HEATR3: variants seen among roughly 807,000 people sequenced by gnomAD.
HEATR3 encodes HEAT repeat containing 3, also known as HEAT repeat-containing protein 3.
In HEATR3, 56 loss-of-function variants were observed where a neutral mutation model predicts 72.8. That is an observed-to-expected ratio of 0.77 (90% CI 0.62 to 0.96). The LOEUF is 0.96. HEATR3 is among the 40% of genes least tolerant of loss of function. The probability of loss-of-function intolerance (pLI) is 0.00; values close to 1 mark genes in which losing one functional copy is unlikely to be tolerated. For synonymous variants in HEATR3, 331 were observed against 318.1 expected, an observed-to-expected ratio of 1.04 and a Z score of -0.43; for missense variants, 747 against 831.4, an observed-to-expected ratio of 0.90 and a Z score of 1.25.
At chr16:50,082,366 T>C (rs2036886354) in intron 7 of HEATR3, among the ~76,000 whole-genome samples, 1 of 151,982 alleles carries the variant, frequency 6.6e-6, no homozygotes, top group Admixed American at 6.6e-5. Context: ...TAAAAAAGAA[T>C]AAGCCAGATT....
Position 50,094,716 on chromosome 16 carries a change from CAT to C in HEATR3, c.1523_1524del (p.His508ArgfsTer2). The C allele has an allele frequency of 6.4e-7, 1 of 1,562,830 alleles. No individual in the cohort carries two copies. Among genetic ancestry groups the C allele is most frequent in the Non-Finnish European group, 8.6e-7 (1 of 1,157,274 alleles). ...LLFSQPDFAK[H>X]VDFLEAISSA... ...TTTTTGTGTTTTAGATTTTGCTAAA[CAT>C]GTTGACTTTCTAGAAGCCATAAGTA... On this transcript the variant is annotated frameshift_variant, in exon 12 of 15. Transcript: ENST00000299192. LOFTEE classifies it high-confidence loss of function.
In HEATR3 at chr16:50,100,545, A is replaced by G. The variant is rs897980079; in HGVS notation, c.1743+172A>G. On this transcript the variant is annotated intron_variant, in intron 13 of 14. Coordinates refer to ENST00000299192, the MANE Select transcript of HEATR3 (RefSeq NM_182922.4). The stretch of plus-strand genomic sequence containing the variant: ...CCTTTGGCTTGATCTAACTATGTGT[A>G]TTAATTAGGTAAGTATTTGAAAAGT... The G allele has an allele frequency of 5.3e-6, 3 of 570,250 alleles. No individual in the cohort carries two copies. In the African/African-American group the frequency reaches 5.9e-5, roughly 11 times the overall value. 35.3% of individuals were successfully genotyped at this position (570,250 alleles called of 1,614,324 possible). A position where few individuals can be genotyped will look rare whatever the true frequency, so the allele number is the denominator to read the frequency against.
chr16:50,073,783 C>T (rs1188461861), intron 5 of HEATR3: 1 of 152,100 alleles, frequency 6.6e-6, no homozygotes, highest in African/African-American at 2.4e-5. Context: ...AGTTTTTCTT[C>T]CCCTTAATGA....
chr16:50,066,707 A>G, intron 2 of HEATR3, 168 bp downstream of exon 2: 1 of 558,730 alleles, frequency 1.8e-6, no homozygotes. Context: ...GAAGCCCAGT[A>G]TCCCCGCATC....
At chr16:50,094,621 A>C in intron 11 of HEATR3, 84 bp from the exon 12 acceptor site, 2 of 725,890 alleles carry the variant, frequency 2.8e-6, no homozygotes, top group Non-Finnish European at 4.5e-6. Flanking sequence ...ATTAACATTT[A>C]GCATGCTTTG....
At chr16:50,100,399 C>T in intron 13 of HEATR3, 26 bp downstream of exon 13, 1 of 1,607,060 alleles carries the variant, frequency 6.2e-7, no homozygotes, top group Non-Finnish European at 8.5e-7. Flanking sequence ...TCTGACCTAA[C>T]ATGTTAAATA....
Position 50,066,524 on chromosome 16 carries a change from C to G in HEATR3, c.296C>G (p.Ala99Gly). The change falls in exon 2 of 15, where the codon GCA (alanine) becomes GGA (glycine). Residue 99 changes from alanine to glycine, a missense_variant. This residue lies in a region of HEATR3 where 586 missense variants were observed against 708.8 expected (regional missense o/e 0.83). Coordinates refer to ENST00000299192, the MANE Select transcript of HEATR3 (RefSeq NM_182922.4). ...LDPSLAVRET[A>G]AGALRNLSAC... Reference sequence around the variant, plus strand: ...CCCAGCCTGGCCGTCAGGGAGACTGCAGCCGGCGCGCTGAGGTGAGCCAGG... The same window carrying G: ...CCCAGCCTGGCCGTCAGGGAGACTGGAGCCGGCGCGCTGAGGTGAGCCAGG... 1 of 1,310,450 alleles carries G rather than the reference C, an allele frequency of 7.6e-7. No individual in the cohort carries two copies. The highest frequency in any genetic ancestry group is 9.7e-7 in the Non-Finnish European group (1 of 1,034,336). The allele number at this position is 1,310,450 out of a possible 1,614,324, so 81.2% of individuals were successfully genotyped here.
chr16:50,090,071 G>A (rs189760186), intron 11 of HEATR3, among the ~76,000 whole-genome samples: 1 of 152,232 alleles, frequency 6.6e-6, no homozygotes, highest in African/African-American at 2.4e-5. Flanking sequence ...ATAGTTTAGT[G>A]GGGGCTGGCC....
At chr16:50,090,358 TA>T (rs796759780) in intron 11 of HEATR3, among the ~76,000 whole-genome samples, 12 of 148,600 alleles carry the variant, frequency 8.1e-5, no homozygotes, top group East Asian at 5.9e-4. Context: ...TTATCTCAAT[TA>T]AAAAAAAAAG....
At chr16:50,095,136 C>CA (rs1175045930) in intron 12 of HEATR3, among the ~76,000 whole-genome samples, 3 of 148,786 alleles carry the variant, frequency 2.0e-5, no homozygotes, top group Non-Finnish European at 4.4e-5. Flanking sequence ...TTTTTTGAGA[C>CA]AGAGTCTTCC....
rs1370068369 is a variant in HEATR3, at chr16:50,105,422, A to G, written c.*361A>G. ...GGTTGCAGTGAGCTGAGATCACGCT[A>G]CTGCACTCCAGCCTGGGTGACAGAG... On this transcript the variant is annotated 3_prime_UTR_variant, in exon 15 of 15. Transcript: ENST00000299192. 1.0e-4 allele frequency: 16 copies of G among 153,444 alleles called. No individual in the cohort carries two copies. In the East Asian group the frequency reaches 2.9e-3, roughly 27 times the overall value. The allele number at this position is 153,444 out of a possible 1,614,324, so 9.5% of individuals were successfully genotyped here.
intron 10 of HEATR3, among the ~76,000 whole-genome samples, 181 bp from the exon 11 acceptor site, chr16:50,086,031 AATG>A (rs1285711285): frequency 6.6e-6 from 1 of 152,208 alleles, no homozygotes; most frequent in African/African-American, 2.4e-5. Flanking sequence ...CTGTCTAAAA[AATG>A]ATGATAAATT....
At chr16:50,096,650 T>A (rs1387525820) in intron 12 of HEATR3, among the ~76,000 whole-genome samples, 2 of 151,870 alleles carry the variant, frequency 1.3e-5, no homozygotes, top group Non-Finnish European at 2.9e-5. Flanking sequence ...AATACAAAAA[T>A]CAGCCGGGCA....
chr16:50,084,175 G>C lies in HEATR3; in HGVS notation c.1174G>C (p.Glu392Gln), dbSNP rs1453613099. 2.5e-6 allele frequency: 4 copies of C among 1,614,068 alleles called. No homozygotes were observed. Among genetic ancestry groups the C allele is most frequent in the Non-Finnish European group, 3.4e-6 (4 of 1,180,052 alleles). The change falls in exon 9 of 15, where the codon GAA becomes CAA. Residue 392 changes from glutamate to glutamine, a missense_variant. Physicochemically the swap from Glu to Gln is conservative, Grantham distance 29. Around this residue, in one of 2 missense-constraint regions of HEATR3, gnomAD observed 586 missense variants for 708.8 expected, o/e 0.83. Transcript: ENST00000299192. ...DEWEELSSSDESDAFMENSFS... is the reference protein window; with the variant it reads ...DEWEELSSSDQSDAFMENSFS... ...ATGGGAAGAGCTTTCTAGCAGTGAT[G>C]AAAGTGACGCATTTATGGAGAATTC...
intron 11 of HEATR3, among the ~76,000 whole-genome samples, chr16:50,092,049 C>A (rs949123601): frequency 2.6e-5 from 4 of 151,872 alleles, no homozygotes; most frequent in African/African-American, 9.7e-5. Context: ...TTAATAGCAA[C>A]AAATTGGCTG....
chr16:50,091,654 C>A (rs1004764504), intron 11 of HEATR3, among the ~76,000 whole-genome samples: 2 of 151,836 alleles, frequency 1.3e-5, no homozygotes, highest in Non-Finnish European at 2.9e-5. Context: ...GCGGGCAGAT[C>A]ATGAGGTCAG....
intron 7 of HEATR3, among the ~76,000 whole-genome samples, chr16:50,082,637 T>G (rs916081316): frequency 1.3e-5 from 2 of 151,224 alleles, no homozygotes; most frequent in African/African-American, 2.4e-5. Context: ...AAGAAGCCAC[T>G]GGGGCTGGAC....
intron 14 of HEATR3, among the ~76,000 whole-genome samples, chr16:50,104,264 G>A (rs140724563): frequency 2.4e-4 from 37 of 152,272 alleles, no homozygotes; most frequent in African/African-American, 8.7e-4. Context: ...GAGGCAGGAG[G>A]ATCACTTGCG....
At chr16:50,074,845 G>C (rs1405867225) in intron 5 of HEATR3, 1 of 152,056 alleles carries the variant, frequency 6.6e-6, no homozygotes, top group Non-Finnish European at 1.5e-5. Flanking sequence ...AGCCAAGCAT[G>C]GTGGCGGGTG....
Sources: gnomAD v4.1 joint callset for allele counts (sites outside exome capture counted in the v4.1 genomes callset) on GRCh38, gnomAD v4.1.1 for gene constraint, gnomAD v4.1.1 regional missense constraint, MANE v1.5 for transcripts, NCBI Gene and HGNC (gene_info 2026-07-23, HGNC 2026-07-21) for gene names.